FRMD3: variants seen among roughly 807,000 people sequenced by gnomAD.
FRMD3 encodes the protein FERM domain containing 3, also known as FERM domain-containing protein 3.
A neutral mutation model predicts 70.2 loss-of-function variants in FRMD3; 33 were observed. The ratio of observed to expected loss-of-function variants is 0.47; its 90% confidence interval spans 0.36 to 0.63. The LOEUF is 0.63. Among genes scored for constraint, FRMD3 ranks in the 20% least tolerant of loss-of-function variants. The pLI, the probability that FRMD3 is intolerant of heterozygous loss-of-function variation, is 0.00. For missense variants in FRMD3, 632 were observed against 711.4 expected, an observed-to-expected ratio of 0.89 and a Z score of 1.27; for synonymous variants, 279 against 255.9, an observed-to-expected ratio of 1.09 and a Z score of -0.86.
chr9:83,318,917 T>G (rs1184402150), intron 6 of FRMD3, among the ~76,000 whole-genome samples: 1 of 152,188 alleles, frequency 6.6e-6, no homozygotes, highest in Non-Finnish European at 1.5e-5. Flanking sequence ...GAACATTTTT[T>G]TCATGTTTCT....
chr9:83,323,767 T>C (rs1302309862), intron 6 of FRMD3, among the ~76,000 whole-genome samples: 8 of 152,386 alleles, frequency 5.2e-5, no homozygotes, highest in African/African-American at 1.4e-4. Flanking sequence ...ATACACTGTA[T>C]GATTCTATTT....
At chr9:83,472,556 A>C (rs1477205021) in intron 1 of FRMD3, among the ~76,000 whole-genome samples, 3 of 152,156 alleles carry the variant, frequency 2.0e-5, no homozygotes, top group Non-Finnish European at 4.4e-5. Flanking sequence ...ACCCAAAGGA[A>C]CGCCACACCA....
intron 10 of FRMD3, among the ~76,000 whole-genome samples, chr9:83,303,127 TAAC>T (rs1424738983): frequency 1.3e-5 from 2 of 152,072 alleles, no homozygotes; most frequent in African/African-American, 2.4e-5. Context: ...CCTCTAGAAT[TAAC>T]AACACTATTT....
the FRMD3 span, among the ~76,000 whole-genome samples, chr9:83,570,921 A>G: frequency 2.6e-5 from 4 of 152,310 alleles, no homozygotes; most frequent in African/African-American, 9.6e-5. Context: ...TAGGACTGAA[A>G]AGACTGCACA....
chr9:83,293,211 G>C (rs1298043195), intron 12 of FRMD3, among the ~76,000 whole-genome samples: 1 of 152,114 alleles, frequency 6.6e-6, no homozygotes, highest in East Asian at 1.9e-4. Flanking sequence ...ATAAAAATTC[G>C]CCATGAGCAG....
intron 2 of FRMD3, among the ~76,000 whole-genome samples, chr9:83,374,782 G>A (rs752903724): frequency 9.2e-5 from 14 of 152,262 alleles, no homozygotes; most frequent in African/African-American, 7.2e-5. Context: ...TTGGTAGACC[G>A]CATCTTTCAA....
intron 1 of FRMD3, among the ~76,000 whole-genome samples, chr9:83,420,972 G>A (rs1202420526): frequency 1.8e-5 from 2 of 109,656 alleles, no homozygotes; most frequent in Non-Finnish European, 3.5e-5. Flanking sequence ...ACGGAGTCTC[G>A]CTCTGTCGCC....
At chr9:83,434,982 G>A (rs900094113) in intron 1 of FRMD3, among the ~76,000 whole-genome samples, 1 of 151,670 alleles carries the variant, frequency 6.6e-6, no homozygotes, top group Non-Finnish European at 1.5e-5. Flanking sequence ...ACACCACCAC[G>A]GCAGGCTAAT....
At chr9:83,337,379 G>A (rs1444089455) in intron 5 of FRMD3, among the ~76,000 whole-genome samples, 1 of 152,144 alleles carries the variant, frequency 6.6e-6, no homozygotes. Context: ...CACCTCCAGA[G>A]GATCTTCAAG....
chr9:83,293,498 C>T (rs555871434), intron 12 of FRMD3, among the ~76,000 whole-genome samples: 4 of 152,316 alleles, frequency 2.6e-5, no homozygotes, highest in South Asian at 4.1e-4. Context: ...GATGGGCCCT[C>T]GGTGAGCCTT....
chr9:83,438,407 GTTTTTT>G (rs5898830), intron 1 of FRMD3, among the ~76,000 whole-genome samples: 12 of 93,030 alleles, frequency 1.3e-4, no homozygotes, highest in Admixed American at 2.0e-4. Context: ...TCAGAAGAGA[GTTTTTT>G]TTTTGTTTTG....
At chr9:83,387,367 A>G (rs1825541423) in intron 2 of FRMD3, among the ~76,000 whole-genome samples, 1 of 152,110 alleles carries the variant, frequency 6.6e-6, no homozygotes, top group Non-Finnish European at 1.5e-5. Context: ...ATTTTGTGAC[A>G]CCAGTTGTTC....
At chr9:83,288,905 C>T (rs1382539788) in intron 13 of FRMD3, among the ~76,000 whole-genome samples, 1 of 152,174 alleles carries the variant, frequency 6.6e-6, no homozygotes, top group East Asian at 1.9e-4. Flanking sequence ...AGGCAGCAGG[C>T]CTAGGGTTCC....
intron 1 of FRMD3, among the ~76,000 whole-genome samples, chr9:83,451,530 C>T (rs748874263): frequency 2.6e-5 from 4 of 152,190 alleles, no homozygotes; most frequent in Non-Finnish European, 5.9e-5. Flanking sequence ...TGCCACACTG[C>T]AGTTTAGCCT....
At chr9:83,561,440 T>TA in the FRMD3 span, among the ~76,000 whole-genome samples, 2 of 152,160 alleles carry the variant, frequency 1.3e-5, no homozygotes, top group Admixed American at 1.3e-4. Context: ...GACACTGGGG[T>TA]ATAAAGACAA....
intron 13 of FRMD3, among the ~76,000 whole-genome samples, chr9:83,278,141 C>T (rs1833854476): frequency 6.6e-6 from 1 of 152,176 alleles, no homozygotes; most frequent in Admixed American, 6.5e-5. Flanking sequence ...AAAGAAACAG[C>T]CATACAAAGA....
At chr9:83,373,231 T>C (rs570028847) in intron 2 of FRMD3, among the ~76,000 whole-genome samples, 1 of 152,320 alleles carries the variant, frequency 6.6e-6, no homozygotes, top group South Asian at 2.1e-4. Context: ...AAATGGGATG[T>C]TCTAGTACCC....
intron 1 of FRMD3, among the ~76,000 whole-genome samples, chr9:83,406,179 CT>C (rs1341942777): frequency 6.6e-6 from 1 of 152,126 alleles, no homozygotes; most frequent in African/African-American, 2.4e-5. Flanking sequence ...TCCTCTGAGT[CT>C]TCTGCCTCCA....
chr9:83,546,333 G>A, the FRMD3 span, among the ~76,000 whole-genome samples: 1 of 152,084 alleles, frequency 6.6e-6, no homozygotes, highest in South Asian at 2.1e-4. Flanking sequence ...CTCCACCCCG[G>A]GTGACAGAGC....
Sources: gnomAD v4.1 joint callset for allele counts (sites outside exome capture counted in the v4.1 genomes callset) on GRCh38, gnomAD v4.1.1 for gene constraint, MANE v1.5 for transcripts, NCBI Gene and HGNC (gene_info 2026-07-23, HGNC 2026-07-21) for gene names.